The following SPATC1 variants were observed in gnomAD, a reference collection of about 807,000 sequenced individuals.
SPATC1 encodes the protein spermatogenesis and centriole associated 1, also known as speriolin.
Under a neutral mutation model 36.5 loss-of-function variants are expected in SPATC1, and 35 were observed. The ratio of observed to expected loss-of-function variants is 0.96; its 90% CI spans 0.73 to 1.27. SPATC1 has a LOEUF of 1.27. Ranked by LOEUF, SPATC1 falls within the 50% of genes most tolerant of loss-of-function variation. The pLI is 0.00. For missense variants in SPATC1, 779 were observed against 796.0 expected, an observed-to-expected ratio of 0.98 and a Z score of 0.26; for synonymous variants, 361 against 353.6, an observed-to-expected ratio of 1.02 and a Z score of -0.24.
rs1835044451 is a variant in SPATC1 at position 144,040,427 on chromosome 8, T to A, written c.730T>A (p.Ser244Thr). ...CCGCGGAGGCCCCACTGGGCCCCAG[T>A]CCCCAGCTTGCGTGGTACCCACTGC... ...PLRGGPTGPQ[S>T]PACVVPTATT... Residue 244 changes from serine to threonine, a missense_variant, in exon 2 of 5, where the codon TCC becomes ACC. Transcript: ENST00000377470. The A allele has an allele frequency of 6.2e-7, 1 of 1,607,574 alleles. No individual in the cohort carries two copies. Among genetic ancestry groups the A allele is most frequent in the Non-Finnish European group, 8.5e-7 (1 of 1,177,700 alleles).
chr8:144,033,182 G>C (rs1373707072), intron 1 of SPATC1, among the ~76,000 whole-genome samples: 1 of 152,074 alleles, frequency 6.6e-6, no homozygotes, highest in Admixed American at 6.5e-5. Flanking sequence ...GATCACCTGA[G>C]GTCAGGAGTT....
At chr8:144,037,903 G>A (rs1341105047) in intron 1 of SPATC1, among the ~76,000 whole-genome samples, 7 of 152,000 alleles carry the variant, frequency 4.6e-5, no homozygotes, top group Admixed American at 3.3e-4. Flanking sequence ...GCCAAGGCGG[G>A]CAGATCATGA....
chr8:144,013,864 G>A (rs147019434), intron 1 of SPATC1, among the ~76,000 whole-genome samples: 5,447 of 152,314 alleles, frequency 0.036, 110 homozygotes, highest in South Asian at 0.046. Context: ...GCTGAGGCAG[G>A]AGAATCACTT....
At chr8:144,031,723 C>CTTT (rs1240016643) in intron 1 of SPATC1, among the ~76,000 whole-genome samples, 15 of 129,018 alleles carry the variant, frequency 1.2e-4, no homozygotes, top group Non-Finnish European at 1.3e-4. Flanking sequence ...TTCTTTCTTT[C>CTTT]TTTTTTTTTT....
intron 1 of SPATC1, among the ~76,000 whole-genome samples, chr8:144,019,591 G>T (rs1834462960): frequency 6.6e-6 from 1 of 152,156 alleles, no homozygotes; most frequent in Non-Finnish European, 1.5e-5. Context: ...TCAGGGGCTT[G>T]CAGGGAGATA....
intron 1 of SPATC1, among the ~76,000 whole-genome samples, chr8:144,031,752 C>G (rs1834802476): frequency 7.6e-6 from 1 of 131,788 alleles, no homozygotes; most frequent in Admixed American, 8.7e-5. Flanking sequence ...AAGACAGGGT[C>G]TCACTCTGTC....
At chr8:144,036,670 C>T (rs1448683221) in intron 1 of SPATC1, among the ~76,000 whole-genome samples, 2 of 152,118 alleles carry the variant, frequency 1.3e-5, no homozygotes, top group Non-Finnish European at 2.9e-5. Context: ...AACATCTCAC[C>T]ACACATCACA....
chr8:144,047,097 C>CG lies in SPATC1; in HGVS notation c.*143dup, dbSNP rs1564284594. 5 of 981,220 alleles carry CG rather than the reference C, an allele frequency of 5.1e-6. No homozygotes were observed. Among genetic ancestry groups the CG allele is most frequent in the Non-Finnish European group, 5.9e-6 (4 of 681,158 alleles). 60.8% of individuals were successfully genotyped at this position (981,220 alleles called of 1,614,324 possible). A position where few individuals can be genotyped will look rare whatever the true frequency, so the allele number is the denominator to read the frequency against. On this transcript the variant is annotated 3_prime_UTR_variant, in exon 5 of 5. Coordinates refer to ENST00000377470, the MANE Select transcript of SPATC1 (RefSeq NM_198572.3). The surrounding 1 kb of genome is among the most constrained non-coding windows in gnomAD (Gnocchi z 4.1). Reference sequence around the variant, plus strand: ...TCCTCTGGGGTGGCTCACCGGGCCCCGGCACCGTGCCCCTTCAGCCCTGTC... The same window carrying CG: ...TCCTCTGGGGTGGCTCACCGGGCCCCGGGCACCGTGCCCCTTCAGCCCTGTC...
chr8:144,012,375 T>G lies in SPATC1; in HGVS notation c.-141T>G, dbSNP rs1401958897. The stretch of plus-strand genomic sequence containing the variant: ...AGGGCAAGGAAGAGGGCACAGCCTC[T>G]GACCTCACAATACCCAGGGCCCACT... On this transcript the variant is annotated 5_prime_UTR_variant, in exon 1 of 5. Transcript: ENST00000377470. 1.8e-5 allele frequency: 12 copies of G among 675,410 alleles called. No individual in the cohort carries two copies. The Admixed American group carries it at 3.1e-4, about 18-fold the overall frequency. The allele number at this position is 675,410 out of a possible 1,614,324, so 41.8% of individuals were successfully genotyped here. A position where few individuals can be genotyped will look rare whatever the true frequency, so the allele number is the denominator to read the frequency against.
intron 1 of SPATC1, among the ~76,000 whole-genome samples, chr8:144,014,687 T>A (rs1044573216): frequency 4.6e-5 from 7 of 152,072 alleles, no homozygotes; most frequent in African/African-American, 1.7e-4. Flanking sequence ...CCCAGCCAAC[T>A]GGTTGTGAAG....
At chr8:144,028,710 C>T (rs1401228535) in intron 1 of SPATC1, among the ~76,000 whole-genome samples, 2 of 152,150 alleles carry the variant, frequency 1.3e-5, no homozygotes, top group African/African-American at 4.8e-5. Context: ...TGGGTATATA[C>T]CCAAAGGAAT....
At chr8:144,032,244 G>A (rs972024100) in intron 1 of SPATC1, among the ~76,000 whole-genome samples, 7 of 151,822 alleles carry the variant, frequency 4.6e-5, no homozygotes, top group Non-Finnish European at 7.4e-5. Flanking sequence ...AATCCCTCTC[G>A]TGAATTTTTC....
At position 144,046,668 on chromosome 8, in the gene SPATC1, G is replaced by C; in HGVS notation, c.1488G>C (p.Leu496=). ...GTGACCACAAGCTGGATGAGAAGCT[G>C]TGCCAGAGGCTCACACAGCGCTATG... The part of the protein sequence containing the change: ...NPSDHKLDEK[L]CQRLTQRYVS... Residue 496 remains leucine (L), a synonymous_variant, in exon 5 of 5, where the codon CTG becomes CTC. Coordinates refer to ENST00000377470, the MANE Select transcript of SPATC1 (RefSeq NM_198572.3). The surrounding 1 kb of genome is among the most constrained non-coding windows in gnomAD (Gnocchi z 6.6). The C allele has an allele frequency of 6.2e-7, 1 of 1,611,936 alleles. No individual in the cohort carries two copies. Among genetic ancestry groups the C allele is most frequent in the African/African-American group, 1.3e-5 (1 of 75,038 alleles).
At chr8:144,011,860 A>C (rs1834287098), upstream of SPATC1, among the ~76,000 whole-genome samples, 1 of 152,158 alleles carries the variant, frequency 6.6e-6, no homozygotes, top group African/African-American at 2.4e-5. The surrounding 1 kb of genome is among the most constrained non-coding windows in gnomAD (Gnocchi z 4.5). Context: ...GACTCTGAGC[A>C]CCTGGGTCAG....
chr8:144,011,763 G>A (rs1554752519), upstream of SPATC1, among the ~76,000 whole-genome samples: 1 of 152,124 alleles, frequency 6.6e-6, no homozygotes, highest in African/African-American at 2.4e-5. This position sits in a 1 kb window ranked among gnomAD's most constrained non-coding sequence, Gnocchi z 4.5. Flanking sequence ...AGAAGGCAAC[G>A]ACGGGAGATT....
intron 1 of SPATC1, among the ~76,000 whole-genome samples, chr8:144,030,908 T>G (rs980750381): frequency 6.6e-4 from 101 of 152,304 alleles, no homozygotes; most frequent in African/African-American, 2.2e-3. Context: ...ACATACAGTA[T>G]ATAAATAATA....
intron 1 of SPATC1, among the ~76,000 whole-genome samples, chr8:144,039,673 T>C (rs1201255564): frequency 6.6e-6 from 1 of 152,138 alleles, no homozygotes; most frequent in African/African-American, 2.4e-5. Flanking sequence ...AGATGAGGCC[T>C]TGGGGAGCCA....
chr8:144,025,327 G>A (rs1163797373), intron 1 of SPATC1, among the ~76,000 whole-genome samples: 3 of 152,146 alleles, frequency 2.0e-5, no homozygotes, highest in Admixed American at 6.5e-5. Context: ...GATTCCAGTC[G>A]TGAGGCCAGG....
At chr8:144,044,135 G>T (rs1554756453) in intron 4 of SPATC1, among the ~76,000 whole-genome samples, 1 of 152,120 alleles carries the variant, frequency 6.6e-6, no homozygotes, top group Admixed American at 6.5e-5. Context: ...CACTCTCCTG[G>T]GGAGGCATTC....
Sources: allele counts gnomAD v4.1 joint callset (sites outside exome capture counted in the v4.1 genomes callset), GRCh38; gene constraint gnomAD v4.1.1; non-coding constraint Gnocchi (gnomAD v3.1); transcripts MANE v1.5; gene names NCBI Gene and HGNC (gene_info 2026-07-23, HGNC 2026-07-21).